The following SBF2 variants were observed in gnomAD, a reference collection of about 807,000 sequenced individuals.
SBF2 encodes the protein SET binding factor 2, also known as myotubularin-related protein 13.
Under a neutral mutation model 225.2 loss-of-function variants are expected in SBF2, and 112 were observed. The observed-to-expected ratio is 0.50, with a 90% CI of 0.43 to 0.58. The LOEUF is 0.58. Among genes scored for constraint, SBF2 ranks in the 20% least tolerant of loss-of-function variants. The pLI is 0.00. For missense variants in SBF2, 1,996 were observed against 2,206.2 expected, an observed-to-expected ratio of 0.90 and a Z score of 1.91; for synonymous variants, 763 against 773.3, an observed-to-expected ratio of 0.99 and a Z score of 0.22.
At chr11:10,298,262 G>A (rs1005135178), upstream of SBF2, among the ~76,000 whole-genome samples, 3 of 152,098 alleles carry the variant, frequency 2.0e-5, no homozygotes, top group Non-Finnish European at 2.9e-5. Flanking sequence ...ATGGTGGCAG[G>A]TGCCTGTAAT....
In SBF2 at chr11:9,826,731, A is replaced by ATATGTGTG. The variant is rs1491588627; in HGVS notation, c.3793+2624_3793+2625insCACACATA. On this transcript the variant is annotated intron_variant, in intron 28 of 39. Transcript: ENST00000256190. ...GTGGTGTGTATATATATATATATAT[A>ATATGTGTG]TGTGTGTGTGTGTGTGTGTATGTGT... 9.2e-5 allele frequency among the ~76,000 whole-genome samples: 6 copies of ATATGTGTG among 64,898 alleles called. No homozygotes were observed. In the East Asian group the frequency reaches 1.4e-3, roughly 15 times the overall value. The allele number at this position is 64,898 out of a possible 152,430, so 42.6% of individuals were successfully genotyped here.
intron 16 of SBF2, among the ~76,000 whole-genome samples, chr11:9,897,883 G>C (rs1861396439): frequency 6.6e-6 from 1 of 152,102 alleles, no homozygotes; most frequent in African/African-American, 2.4e-5. Context: ...TTTTCCTCTA[G>C]ACACTGCCTT....
intron 16 of SBF2, among the ~76,000 whole-genome samples, chr11:9,944,606 T>C (rs1008813266): frequency 1.3e-5 from 2 of 151,606 alleles, no homozygotes; most frequent in Non-Finnish European, 2.9e-5. Context: ...ACCTGGGAGG[T>C]GAAAAAATCT....
upstream of SBF2, among the ~76,000 whole-genome samples, chr11:10,296,998 ATCT>A (rs1964555333): frequency 6.6e-6 from 1 of 152,248 alleles, no homozygotes; most frequent in East Asian, 1.9e-4. Flanking sequence ...CCATTGCTAA[ATCT>A]TCTTTGGAGA....
At chr11:9,930,593 T>C (rs1787349224) in intron 16 of SBF2, among the ~76,000 whole-genome samples, 2 of 152,236 alleles carry the variant, frequency 1.3e-5, no homozygotes, top group Admixed American at 1.3e-4. Flanking sequence ...CAAAGGTGTC[T>C]ATACATGTTA....
chr11:10,098,270 G>C (rs1452660761), intron 2 of SBF2, among the ~76,000 whole-genome samples: 2 of 152,034 alleles, frequency 1.3e-5, no homozygotes, highest in African/African-American at 4.8e-5. Context: ...GCAGGATTGA[G>C]AGAAGGAATG....
chr11:10,033,006 G>A (rs1949314769), intron 3 of SBF2, among the ~76,000 whole-genome samples: 1 of 152,132 alleles, frequency 6.6e-6, no homozygotes. Flanking sequence ...CACATCCAAA[G>A]GGAACTATCT....
intron 26 of SBF2, chr11:9,839,211 G>A (rs570578243): frequency 7.2e-6 from 3 of 415,298 alleles, no homozygotes; most frequent in African/African-American, 4.0e-5. Flanking sequence ...TGTTCTTCAA[G>A]TTATCTTTAG....
chr11:10,165,458 T>C (rs1172589452), intron 2 of SBF2, among the ~76,000 whole-genome samples: 2 of 152,198 alleles, frequency 1.3e-5, no homozygotes, highest in African/African-American at 2.4e-5. Context: ...CCATTAGCAA[T>C]AGTTGGCACT....
chr11:10,138,267 T>G (rs1954477160), intron 2 of SBF2, among the ~76,000 whole-genome samples: 1 of 152,208 alleles, frequency 6.6e-6, no homozygotes, highest in African/African-American at 2.4e-5. Context: ...CAAATTTACA[T>G]GCATAGAGTT....
intron 2 of SBF2, among the ~76,000 whole-genome samples, chr11:10,087,900 G>A (rs978818979): frequency 6.6e-6 from 1 of 152,038 alleles, no homozygotes; most frequent in African/African-American, 2.4e-5. Flanking sequence ...TTTGATTCCT[G>A]GCTGCCAAAG....
At chr11:9,969,154 G>C (rs1029050588) in intron 13 of SBF2, among the ~76,000 whole-genome samples, 1 of 152,140 alleles carries the variant, frequency 6.6e-6, no homozygotes, top group South Asian at 2.1e-4. Context: ...TAGACAAAAA[G>C]CTTAGAGTTA....
At chr11:10,005,762 T>C (rs1565122861) in intron 6 of SBF2, among the ~76,000 whole-genome samples, 2 of 152,216 alleles carry the variant, frequency 1.3e-5, no homozygotes, top group African/African-American at 4.8e-5. Flanking sequence ...AAGACATCTC[T>C]ATGCCTCAAC....
intron 1 of SBF2, among the ~76,000 whole-genome samples, chr11:10,278,684 G>T (rs528257842): frequency 6.6e-6 from 1 of 151,892 alleles, no homozygotes; most frequent in Non-Finnish European, 1.5e-5. Context: ...TTGGGAGGTT[G>T]AGGCAGGAGA....
chr11:9,841,524 C>A (rs1026715273), intron 25 of SBF2, among the ~76,000 whole-genome samples: 2 of 121,464 alleles, frequency 1.6e-5, no homozygotes, highest in Admixed American at 1.9e-4. Flanking sequence ...CATACAAAAC[C>A]ACATAGGTTC....
intron 6 of SBF2, among the ~76,000 whole-genome samples, chr11:10,015,811 C>CT (rs574438664): frequency 1.1e-4 from 16 of 148,718 alleles, no homozygotes; most frequent in African/African-American, 2.5e-4. Context: ...TCCCTCTTTG[C>CT]TTTTTTTTTT....
At chr11:10,174,662 G>A (rs539853192) in intron 2 of SBF2, among the ~76,000 whole-genome samples, 7 of 152,092 alleles carry the variant, frequency 4.6e-5, no homozygotes, top group East Asian at 3.9e-4. Context: ...TACAGAGAAC[G>A]CCACAAAGAT....
chr11:10,301,238 T>C (rs1964596816), intron 1 of SBF2, among the ~76,000 whole-genome samples: 1 of 152,242 alleles, frequency 6.6e-6, no homozygotes, highest in Non-Finnish European at 1.5e-5. Flanking sequence ...GTTTTAAACT[T>C]GGTCAACCTC....
At chr11:10,208,963 T>A (rs1461277794) in intron 1 of SBF2, among the ~76,000 whole-genome samples, 1 of 152,150 alleles carries the variant, frequency 6.6e-6, no homozygotes, top group Admixed American at 6.5e-5. Flanking sequence ...ATAGATTTTT[T>A]AAATACAACA....
Sources: gnomAD v4.1 joint callset for allele counts (sites outside exome capture counted in the v4.1 genomes callset) on GRCh38, gnomAD v4.1.1 for gene constraint, MANE v1.5 for transcripts, NCBI Gene and HGNC (gene_info 2026-07-23, HGNC 2026-07-21) for gene names.